KIRREL1: variants seen among roughly 807,000 people sequenced by gnomAD.
KIRREL1 encodes the protein kin of IRRE-like protein 1.
In KIRREL1, 25 loss-of-function variants were observed where a neutral mutation model predicts 83.3. The ratio of observed to expected loss-of-function variants is 0.30; its 90% CI spans 0.22 to 0.42. The LOEUF (loss-of-function observed/expected upper bound fraction) is 0.42, where lower values mean the gene tolerates loss of function less well. KIRREL1 is among the 10% of genes least tolerant of loss of function. The pLI is 1.00. For synonymous variants in KIRREL1, 388 were observed against 410.4 expected, an observed-to-expected ratio of 0.95 and a Z score of 0.66; for missense variants, 812 against 1,032.3, an observed-to-expected ratio of 0.79 and a Z score of 2.92.
chr1:158,093,803 C>A lies in KIRREL1; in HGVS notation c.1719+41C>A, dbSNP rs139687839. 6.8e-6 allele frequency: 11 copies of A among 1,608,676 alleles called. No homozygotes were observed. The Admixed American group carries it at 1.2e-4, about 17-fold the overall frequency. The stretch of plus-strand genomic sequence containing the variant: ...CTCTCTGGCCTCCTGCCTTCTCCAC[C>A]CTCTGAGGACCAGCTCCATCCCAGA... On this transcript the variant is annotated intron_variant, in intron 13 of 14. Transcript: ENST00000359209.
intron 1 of KIRREL1, among the ~76,000 whole-genome samples, chr1:157,996,995 G>C (rs964250174): frequency 1.3e-5 from 2 of 152,210 alleles, no homozygotes; most frequent in Admixed American, 1.3e-4. Context: ...AGTGAGATGG[G>C]AGGAGGAAGC....
At chr1:158,019,508 G>T (rs977891029) in intron 1 of KIRREL1, among the ~76,000 whole-genome samples, 4 of 152,094 alleles carry the variant, frequency 2.6e-5, no homozygotes, top group African/African-American at 9.7e-5. Flanking sequence ...CTATATGGGG[G>T]TCGCATTTGG....
chr1:158,098,414 GTTC>G lies in KIRREL1; in HGVS notation c.*3299_*3301del, dbSNP rs1468309136. On this transcript the variant is annotated 3_prime_UTR_variant, in exon 15 of 15. Coordinates refer to ENST00000359209, the MANE Select transcript of KIRREL1 (RefSeq NM_018240.7). The stretch of plus-strand genomic sequence containing the variant: ...CATTCCTCTGGCCCAGGGACAGCTT[GTTC>G]TTCTCACCAAACAGGTGAAGCCTGC... 1 of 152,222 alleles carries G rather than the reference GTTC, an allele frequency of 6.6e-6. No homozygotes were observed. Among genetic ancestry groups the G allele is most frequent in the Non-Finnish European group, 1.5e-5 (1 of 68,048 alleles). 9.4% of individuals were successfully genotyped at this position (152,222 alleles called of 1,614,324 possible). A position where few individuals can be genotyped will look rare whatever the true frequency, so the allele number is the denominator to read the frequency against.
intron 1 of KIRREL1, among the ~76,000 whole-genome samples, chr1:158,012,394 C>T (rs1029591245): frequency 3.9e-5 from 6 of 152,198 alleles, no homozygotes; most frequent in Admixed American, 3.9e-4. Flanking sequence ...GTCACTTCAC[C>T]TCTTTGTAGG....
intron 1 of KIRREL1, among the ~76,000 whole-genome samples, chr1:158,004,547 T>G (rs558240298): frequency 6.6e-6 from 1 of 152,316 alleles, no homozygotes; most frequent in East Asian, 1.9e-4. Flanking sequence ...GAGTCTCAGT[T>G]TCCTTATCTG....
intron 1 of KIRREL1, among the ~76,000 whole-genome samples, chr1:158,063,185 G>A (rs1661260596): frequency 6.6e-6 from 1 of 152,188 alleles, no homozygotes; most frequent in African/African-American, 2.4e-5. Context: ...TGGCAAGCAA[G>A]ACCACCTATG....
chr1:158,005,364 A>G (rs1659486682), intron 1 of KIRREL1, among the ~76,000 whole-genome samples: 1 of 151,904 alleles, frequency 6.6e-6, no homozygotes, highest in African/African-American at 2.4e-5. Flanking sequence ...AGAGCTTGCC[A>G]GCACGCCCAT....
intron 1 of KIRREL1, among the ~76,000 whole-genome samples, chr1:157,993,949 G>T (rs1659118302): frequency 6.6e-6 from 1 of 152,126 alleles, no homozygotes; most frequent in East Asian, 1.9e-4. Flanking sequence ...TGCCCAAGTT[G>T]TTTCCTCTGG....
chr1:158,078,343 G>T (rs1320468988), intron 3 of KIRREL1, among the ~76,000 whole-genome samples: 4 of 152,204 alleles, frequency 2.6e-5, no homozygotes, highest in African/African-American at 9.6e-5. Flanking sequence ...GACGTGAGCT[G>T]TGTGAGGCCC....
chr1:158,039,964 G>A (rs965343910), intron 1 of KIRREL1, among the ~76,000 whole-genome samples: 1 of 152,206 alleles, frequency 6.6e-6, no homozygotes, highest in Non-Finnish European at 1.5e-5. Context: ...CCATCTCCTT[G>A]TGGGCTGTTG....
chr1:158,062,798 G>A (rs2101607360), intron 1 of KIRREL1, among the ~76,000 whole-genome samples: 1 of 152,354 alleles, frequency 6.6e-6, no homozygotes, highest in South Asian at 2.1e-4. Context: ...TTATCAGGCT[G>A]ACACACATGG....
intron 1 of KIRREL1, among the ~76,000 whole-genome samples, chr1:158,060,295 C>G (rs1459734417): frequency 6.6e-6 from 1 of 152,190 alleles, no homozygotes; most frequent in Non-Finnish European, 1.5e-5. Context: ...TTTGCCCCTC[C>G]TTCTCAATCT....
intron 10 of KIRREL1, 118 bp downstream of exon 10, chr1:158,089,936 G>A (rs533402402): frequency 1.7e-5 from 14 of 809,536 alleles, no homozygotes; most frequent in Admixed American, 1.5e-4. Context: ...TTCCATCCTC[G>A]AATCTTCTGC....
intron 1 of KIRREL1, among the ~76,000 whole-genome samples, chr1:158,021,772 T>G (rs1660009829): frequency 6.6e-6 from 1 of 152,166 alleles, no homozygotes; most frequent in Non-Finnish European, 1.5e-5. Flanking sequence ...AAAAGGGGTT[T>G]TTTTGGTTCC....
Position 158,016,045 on chromosome 1 carries a change from C to A in KIRREL1, c.52+22317C>A, listed in dbSNP as rs565135636. 5.3e-5 allele frequency among the ~76,000 whole-genome samples: 8 copies of A among 152,266 alleles called. No individual in the cohort carries two copies. In the East Asian group the frequency reaches 1.2e-3, roughly 22 times the overall value. ...AGCAGGCTGGGTGCGGCGGCTCAAG[C>A]CTGTAATCCCAGCACTTTGGGAGGC... On this transcript the variant is annotated intron_variant, in intron 1 of 14. Transcript: ENST00000359209.
intron 3 of KIRREL1, among the ~76,000 whole-genome samples, chr1:158,080,209 G>T (rs73024656): frequency 3.3e-5 from 5 of 152,082 alleles, no homozygotes; most frequent in Non-Finnish European, 2.9e-5. Context: ...GGCCCTAGAA[G>T]GTGCTACTGC....
At chr1:158,055,682 C>A (rs1661037851) in intron 1 of KIRREL1, among the ~76,000 whole-genome samples, 1 of 152,218 alleles carries the variant, frequency 6.6e-6, no homozygotes, top group Admixed American at 6.5e-5. Context: ...TGCCTAGGCG[C>A]CCTCCCTGCG....
chr1:158,094,612 C>G lies in KIRREL1; in HGVS notation c.1798-32C>G, dbSNP rs1357275717. On this transcript the variant is annotated intron_variant, in intron 14 of 14. Transcript: ENST00000359209. The surrounding 1 kb of genome is among the most constrained non-coding windows in gnomAD (Gnocchi z 4.6). The stretch of plus-strand genomic sequence containing the variant: ...CTTGATCCCCACCCAAGAGGGAACA[C>G]TGCCTCCATCCTCTTCTCTCATTGC... The G allele has an allele frequency of 2.2e-5, 33 of 1,522,968 alleles. No individual in the cohort carries two copies. Among genetic ancestry groups the G allele is most frequent in the Non-Finnish European group, 2.8e-5 (31 of 1,117,878 alleles). 94.3% of individuals were successfully genotyped at this position (1,522,968 alleles called of 1,614,324 possible).
chr1:158,075,277 C>T lies in KIRREL1; in HGVS notation c.53-836C>T, dbSNP rs573450101. On this transcript the variant is annotated intron_variant, in intron 1 of 14. Transcript: ENST00000359209. The stretch of plus-strand genomic sequence containing the variant: ...CTGCAGTTCTCTAATCAAATGCTCC[C>T]GGCCGAGCTGCCAGCCGGGCAGCCA... Among the ~76,000 whole-genome samples, 16 of 152,364 alleles carry T rather than the reference C, an allele frequency of 1.1e-4. No individual in the cohort carries two copies. In the East Asian group the frequency reaches 1.5e-3, roughly 15 times the overall value.
Sources: gnomAD v4.1 joint callset for allele counts (sites outside exome capture counted in the v4.1 genomes callset) on GRCh38, gnomAD v4.1.1 for gene constraint, Gnocchi (gnomAD v3.1) non-coding constraint, MANE v1.5 for transcripts, NCBI Gene and HGNC (gene_info 2026-07-23, HGNC 2026-07-21) for gene names.